Variants in BPIFC observed in about 807,000 individuals in gnomAD.
The protein encoded by BPIFC is BPI fold-containing family C protein.
Under a neutral mutation model 57.6 loss-of-function variants are expected in BPIFC, and 60 were observed. The ratio of observed to expected loss-of-function variants is 1.04; its 90% CI spans 0.85 to 1.29. BPIFC has a LOEUF of 1.29. Ranked by LOEUF, BPIFC falls within the 50% of genes most tolerant of loss-of-function variation. BPIFC has a pLI of 0.00. For missense variants in BPIFC, 581 were observed against 600.5 expected (o/e 0.97, Z 0.34); for synonymous variants, 243 against 224.5 (o/e 1.08, Z -0.74).
chr22:32,439,197 C>T (rs572944017), intron 8 of BPIFC, among the ~76,000 whole-genome samples: 6 of 152,074 alleles, frequency 3.9e-5, no homozygotes, highest in South Asian at 2.1e-4. Context: ...TGGTGGCACG[C>T]GCCTGTAATC....
intron 13 of BPIFC, among the ~76,000 whole-genome samples, chr22:32,424,118 C>T (rs755180178): frequency 6.6e-6 from 1 of 152,020 alleles, no homozygotes; most frequent in Non-Finnish European, 1.5e-5. Context: ...AAGTGATTTA[C>T]ATACATTATC....
At position 32,424,717 on chromosome 22, in the gene BPIFC, C is replaced by T. The variant is rs867552264; in HGVS notation, c.1218-5313G>A. ...CCTCTTCTTCTTCCTCTTCTTCTTC[C>T]TCTTCTTCTTCCTCTTCTTCTTCCT... is the stretch of plus-strand genomic sequence containing the variant. On this transcript the variant is annotated intron_variant, in intron 13 of 16. Transcript: ENST00000300399. 7.4e-3 allele frequency among the ~76,000 whole-genome samples: 385 copies of T among 52,364 alleles called. 80 individuals carry two copies. Among genetic ancestry groups the T allele is most frequent in the Non-Finnish European group, 9.6e-3 (285 of 29,546 alleles). The allele number at this position is 52,364 out of a possible 152,430, so 34.4% of individuals were successfully genotyped here.
intron 13 of BPIFC, among the ~76,000 whole-genome samples, chr22:32,425,882 A>G (rs895520367): frequency 1.4e-4 from 22 of 152,286 alleles, no homozygotes; most frequent in Middle Eastern, 3.4e-3. Context: ...TAACTCTCAT[A>G]CTTCTCACAA....
intron 3 of BPIFC, among the ~76,000 whole-genome samples, 164 bp downstream of exon 3, chr22:32,457,099 G>A (rs538128406): frequency 2.0e-4 from 31 of 152,280 alleles, no homozygotes; most frequent in African/African-American, 7.5e-4. Context: ...TTTAGGCAAC[G>A]CTTTCTTCGC....
intron 13 of BPIFC, among the ~76,000 whole-genome samples, chr22:32,420,625 A>G (rs963050241): frequency 3.9e-5 from 6 of 152,198 alleles, no homozygotes; most frequent in Non-Finnish European, 8.8e-5. Flanking sequence ...AATTTTCTCA[A>G]CTATGAAATA....
At chr22:32,458,933 T>G (rs950936245) in intron 2 of BPIFC, among the ~76,000 whole-genome samples, 7 of 152,232 alleles carry the variant, frequency 4.6e-5, no homozygotes, top group Admixed American at 1.3e-4. Flanking sequence ...TTGGCATACA[T>G]GAATGATTAA....
intron 16 of BPIFC, among the ~76,000 whole-genome samples, chr22:32,415,651 TA>T (rs1214124008): frequency 8.5e-5 from 13 of 152,168 alleles, no homozygotes; most frequent in African/African-American, 1.2e-4. Context: ...ATAAGTAAAA[TA>T]AAGCGTGCTA....
intron 16 of BPIFC, among the ~76,000 whole-genome samples, chr22:32,414,734 G>A (rs1466256104): frequency 1.3e-5 from 2 of 151,972 alleles, no homozygotes; most frequent in Admixed American, 1.3e-4. Context: ...GGCTGGTCTC[G>A]AACTCCTGAC....
intron 9 of BPIFC, 144 bp from the exon 10 acceptor site, chr22:32,436,024 C>G (rs565936046): frequency 9.7e-6 from 8 of 828,246 alleles, no homozygotes; most frequent in East Asian, 5.4e-5. Context: ...AATCCCAACA[C>G]TTTGGGAGGC....
intron 4 of BPIFC, 88 bp from the exon 5 acceptor site, chr22:32,447,428 T>G: frequency 4.3e-5 from 62 of 1,445,228 alleles, no homozygotes; most frequent in Non-Finnish European, 4.8e-5. Flanking sequence ...GCAGAGCTCT[T>G]ACCATTGAGG....
chr22:32,443,163 T>G (rs74279751), intron 7 of BPIFC, among the ~76,000 whole-genome samples: 1 of 119,550 alleles, frequency 8.4e-6, no homozygotes, highest in Non-Finnish European at 1.7e-5. Flanking sequence ...GAGCTGGAGC[T>G]TTTTTTTTTT....
intron 13 of BPIFC, among the ~76,000 whole-genome samples, chr22:32,423,355 T>G (rs976869776): frequency 3.3e-5 from 5 of 152,206 alleles, no homozygotes; most frequent in African/African-American, 1.2e-4. Flanking sequence ...GCTACCCCAC[T>G]GTGGCATTCT....
chr22:32,446,909 G>T (rs1934744914), intron 5 of BPIFC: 5 of 658,580 alleles, frequency 7.6e-6, no homozygotes, highest in African/African-American at 5.9e-5. Flanking sequence ...GCAGTGATTT[G>T]TGGGTGATCG....
chr22:32,454,184 G>T (rs1412109751), intron 3 of BPIFC, among the ~76,000 whole-genome samples: 1 of 152,084 alleles, frequency 6.6e-6, no homozygotes, highest in Non-Finnish European at 1.5e-5. Context: ...CAGACACTTC[G>T]GCTCCAGAAT....
rs1934279662 is a variant in BPIFC at position 32,432,555 on chromosome 22, C to A, written c.979-12G>T. On this transcript the variant is annotated splice_polypyrimidine_tract_variant and intron_variant, in intron 11 of 16. Transcript: ENST00000300399. ...TAGATCTCTGCAATCTGCCCACATT[C>A]CGAGAAAGAAATAAAGATTGTGAGG... The A allele has an allele frequency of 6.2e-7, 1 of 1,610,672 alleles. No homozygotes were observed. Among genetic ancestry groups the A allele is most frequent in the South Asian group, 1.1e-5 (1 of 90,862 alleles).
At position 32,438,992 on chromosome 22, in the gene BPIFC, G is replaced by A. The variant is rs1039806754; in HGVS notation, c.656-1141C>T. On this transcript the variant is annotated intron_variant, in intron 8 of 16. Coordinates refer to ENST00000300399, the MANE Select transcript of BPIFC (RefSeq NM_174932.3). ...TTATCATTTTCAGAATAAAGCAGAAGTCAAGGGGACCAGGGTGCAGTGGTG... is the reference window on the plus strand; with the variant it reads ...TTATCATTTTCAGAATAAAGCAGAAATCAAGGGGACCAGGGTGCAGTGGTG... Among the ~76,000 whole-genome samples, 26 of 152,118 alleles carry A rather than the reference G, an allele frequency of 1.7e-4. 1 individual carries two copies. Among genetic ancestry groups the A allele is most frequent in the African/African-American group, 5.3e-4 (22 of 41,432 alleles).
At chr22:32,438,082 A>C (rs1240912841) in intron 8 of BPIFC, among the ~76,000 whole-genome samples, 1 of 152,230 alleles carries the variant, frequency 6.6e-6, no homozygotes, top group Non-Finnish European at 1.5e-5. Context: ...AAGCATCACT[A>C]AAATTTTGGT....
At position 32,457,339 on chromosome 22, in the gene BPIFC, C is replaced by T; in HGVS notation, c.48G>A (p.Trp16Ter). 2 of 1,610,706 alleles carry T rather than the reference C, an allele frequency of 1.2e-6. No individual in the cohort carries two copies. The highest frequency in any genetic ancestry group is 1.7e-6 in the Non-Finnish European group (2 of 1,178,998). ...TCTGAGAGGATGAGACATAGAGATT[C>T]CACAGGAGGAAACATCCCCAGAGGA... ...IPVLWGCFLL[W>*]NLYVSSSQTI... is the part of the protein sequence containing the mutation. Residue 16 changes from tryptophan to a stop codon, truncating the protein, a stop_gained, in exon 3 of 17, where the codon TGG becomes TGA. Coordinates refer to ENST00000300399, the MANE Select transcript of BPIFC (RefSeq NM_174932.3). LOFTEE classifies it high-confidence loss of function.
intron 3 of BPIFC, among the ~76,000 whole-genome samples, chr22:32,455,496 GTTCTCTC>G (rs1935014478): frequency 6.6e-6 from 1 of 152,134 alleles, no homozygotes; most frequent in Non-Finnish European, 1.5e-5. Context: ...CTCCACATAC[GTTCTCTC>G]CTCTCTTCTT....
Sources: allele counts gnomAD v4.1 joint callset (sites outside exome capture counted in the v4.1 genomes callset), GRCh38; gene constraint gnomAD v4.1.1; transcripts MANE v1.5; gene names NCBI Gene and HGNC (gene_info 2026-07-23, HGNC 2026-07-21).